Variants in TNKS2 observed in about 807,000 individuals in gnomAD.
TNKS2 encodes poly [ADP-ribose] polymerase tankyrase-2.
TNKS2 carries 72 observed loss-of-function variants against 137.6 expected under a neutral mutation model. That is an observed-to-expected ratio of 0.52 (90% CI 0.43 to 0.64). The LOEUF is 0.64. TNKS2 is among the 30% of genes least tolerant of loss of function. The pLI is 0.00. For synonymous variants in TNKS2, 516 were observed against 512.1 expected (o/e 1.01, Z -0.10); for missense variants, 1,049 against 1,410.2 (o/e 0.74, Z 4.10).
At chr10:91,827,237 ATT>A in intron 8 of TNKS2, 34 bp downstream of exon 8, 1 of 1,397,788 alleles carries the variant, frequency 7.2e-7, no homozygotes, top group Non-Finnish European at 9.4e-7. Flanking sequence ...CAGGTAGGAT[ATT>A]ATATCAATAA....
intron 21 of TNKS2, among the ~76,000 whole-genome samples, chr10:91,853,445 CTT>C (rs902206632): frequency 3.3e-5 from 5 of 152,122 alleles, no homozygotes; most frequent in Admixed American, 6.5e-5. Flanking sequence ...AGCCAATACT[CTT>C]TTTTTCCCCC....
rs759381857 is a variant in TNKS2, at chr10:91,859,577, A to G, written c.3210A>G (p.Gln1070=). 8.7e-6 allele frequency: 14 copies of G among 1,613,910 alleles called. No individual in the cohort carries two copies. Among genetic ancestry groups the G allele is most frequent in the East Asian group, 6.7e-5 (3 of 44,866 alleles). Residue 1070 remains glutamine, a synonymous_variant, in exon 25 of 27, where the codon CAA becomes CAG. Transcript: ENST00000371627. The stretch of plus-strand genomic sequence containing the variant: ...CTGAAAACTCTTCCAAAAGCAATCA[A>G]TATGTATATGGAATTGGAGGAGGTA... ...YFAENSSKSN[Q]YVYGIGGGTG...
At position 91,798,507 on chromosome 10, in the gene TNKS2, G is replaced by C. The variant is rs980557800; in HGVS notation, c.-184G>C. The C allele has an allele frequency of 6.7e-5, 40 of 600,746 alleles. No homozygotes were observed. The Admixed American group carries it at 1.4e-3, about 22-fold the overall frequency. 37.2% of individuals were successfully genotyped at this position (600,746 alleles called of 1,614,324 possible). On this transcript the variant is annotated 5_prime_UTR_variant, in exon 1 of 27. Coordinates refer to ENST00000371627, the MANE Select transcript of TNKS2 (RefSeq NM_025235.4). The stretch of plus-strand genomic sequence containing the variant: ...CGCCGCGGGGCAGCCGGGGGGCAGG[G>C]AGCCCAGCGAGGGGCGCGCGTGGGC...
intron 16 of TNKS2, 55 bp downstream of exon 16, chr10:91,842,446 C>G (rs1204119979): frequency 6.6e-7 from 1 of 1,524,816 alleles, no homozygotes; most frequent in East Asian, 2.3e-5. Context: ...ATTCATTTTA[C>G]CCAGGTAAAA....
chr10:91,847,012 C>CTATA (rs1235639567), intron 18 of TNKS2, among the ~76,000 whole-genome samples: 1 of 152,134 alleles, frequency 6.6e-6, no homozygotes, highest in African/African-American at 2.4e-5. Flanking sequence ...GTTACCTCAT[C>CTATA]TATAGATAGA....
chr10:91,813,727 A>T (rs1189322887), intron 2 of TNKS2, among the ~76,000 whole-genome samples: 1 of 152,238 alleles, frequency 6.6e-6, no homozygotes, highest in Non-Finnish European at 1.5e-5. Context: ...AAGAGTACAT[A>T]GTATGCAGTC....
At chr10:91,854,500 G>T (rs954183416) in intron 21 of TNKS2, among the ~76,000 whole-genome samples, 2 of 152,136 alleles carry the variant, frequency 1.3e-5, no homozygotes, top group African/African-American at 2.4e-5. Context: ...ATGTGCTATG[G>T]TTATATAAAA....
intron 1 of TNKS2, among the ~76,000 whole-genome samples, chr10:91,811,798 G>A (rs940542687): frequency 2.6e-5 from 4 of 152,238 alleles, no homozygotes; most frequent in Admixed American, 1.3e-4. Context: ...AGTGGCTCAC[G>A]CCTGTAATCC....
At chr10:91,837,551 T>C (rs1842065661) in intron 13 of TNKS2, among the ~76,000 whole-genome samples, 1 of 152,216 alleles carries the variant, frequency 6.6e-6, no homozygotes, top group South Asian at 2.1e-4. Context: ...GTTTTGACTC[T>C]TGCTGTAGAA....
chr10:91,807,817 AC>A (rs1045262335), intron 1 of TNKS2, among the ~76,000 whole-genome samples: 1 of 150,792 alleles, frequency 6.6e-6, no homozygotes, highest in African/African-American at 2.4e-5. Flanking sequence ...ACATGGTGAA[AC>A]CCCCCCTTTA....
Position 91,842,296 on chromosome 10 carries a change from A to C in TNKS2, c.1964A>C (p.Lys655Thr). The change falls in exon 16 of 27, where the codon AAG becomes ACG. Residue 655 changes from lysine to threonine, a missense_variant. Around this residue, in one of 6 missense-constraint regions of TNKS2, gnomAD observed 328 missense variants for 436.0 expected, o/e 0.75. Coordinates refer to ENST00000371627, the MANE Select transcript of TNKS2 (RefSeq NM_025235.4). Reference protein sequence around the residue: ...GDAALLDAAKKGCLARVKKLS... With the variant: ...GDAALLDAAKTGCLARVKKLS... ...GCAGCTTTGCTAGATGCTGCCAAGA[A>C]GGGTTGTTTAGCCAGAGTGAAGAAG... 1 of 1,614,162 alleles carries C rather than the reference A, an allele frequency of 6.2e-7. No individual in the cohort carries two copies. The highest frequency in any genetic ancestry group is 8.5e-7 in the Non-Finnish European group (1 of 1,180,010).
At chr10:91,829,876 A>G (rs1273267707) in intron 9 of TNKS2, among the ~76,000 whole-genome samples, 1 of 152,238 alleles carries the variant, frequency 6.6e-6, no homozygotes, top group African/African-American at 2.4e-5. Flanking sequence ...CTTTTATTCT[A>G]TAGGTTTTCA....
chr10:91,806,496 T>C (rs1302404010), intron 1 of TNKS2, among the ~76,000 whole-genome samples: 1 of 152,144 alleles, frequency 6.6e-6, no homozygotes, highest in Non-Finnish European at 1.5e-5. Context: ...ATTCCATTCA[T>C]ACACTCAAAT....
intron 25 of TNKS2, among the ~76,000 whole-genome samples, chr10:91,860,064 C>T (rs374245888): frequency 1.3e-5 from 2 of 152,058 alleles, no homozygotes; most frequent in Non-Finnish European, 2.9e-5. Flanking sequence ...CACTGTGATA[C>T]GATCCTAATC....
At chr10:91,840,219 A>G (rs551871428) in intron 13 of TNKS2, among the ~76,000 whole-genome samples, 1 of 152,296 alleles carries the variant, frequency 6.6e-6, no homozygotes, top group Admixed American at 6.5e-5. Flanking sequence ...ATGTGCCTGT[A>G]GTCCCTGCTG....
rs1032174830 is a variant in TNKS2 at position 91,835,369 on chromosome 10, A to T, written c.1447+1345A>T. On this transcript the variant is annotated intron_variant, in intron 12 of 26. Coordinates refer to ENST00000371627, the MANE Select transcript of TNKS2 (RefSeq NM_025235.4). ...CAATGGTGCAATCTCAGCTCACTGC[A>T]ACCTCTGCCTCCTGGGTTCACATGG... 6.8e-5 allele frequency among the ~76,000 whole-genome samples: 10 copies of T among 147,596 alleles called. No homozygotes were observed. In the South Asian group the frequency reaches 2.1e-3, roughly 31 times the overall value.
chr10:91,832,077 CTTTT>C (rs1438767663), intron 11 of TNKS2, among the ~76,000 whole-genome samples: 1 of 152,124 alleles, frequency 6.6e-6, no homozygotes, highest in Non-Finnish European at 1.5e-5. Flanking sequence ...TCTCCAATTT[CTTTT>C]TGTGTTGCCT....
intron 7 of TNKS2, among the ~76,000 whole-genome samples, chr10:91,824,762 C>T (rs1845011523): frequency 6.6e-6 from 1 of 152,166 alleles, no homozygotes; most frequent in Admixed American, 6.5e-5. Flanking sequence ...TCTCACCAGG[C>T]TCTAAGCTCT....
intron 7 of TNKS2, among the ~76,000 whole-genome samples, chr10:91,826,019 T>C (rs1845057813): frequency 6.6e-6 from 1 of 152,242 alleles, no homozygotes. Flanking sequence ...GTATCCATTA[T>C]CTGAAATGCT....
Sources: allele counts gnomAD v4.1 joint callset (sites outside exome capture counted in the v4.1 genomes callset), GRCh38; gene constraint gnomAD v4.1.1; regional missense constraint gnomAD v4.1.1; transcripts MANE v1.5; gene names NCBI Gene and HGNC (gene_info 2026-07-23, HGNC 2026-07-21).